Variants in LITAFD observed in about 807,000 individuals in gnomAD.
The protein encoded by LITAFD is LITAF domain containing, also known as lITAF domain-containing protein.
intron 3 of LITAFD, 189 bp from the exon 4 acceptor site, chr16:8,884,998 G>C (rs1199482599): frequency 2.5e-6 from 1 of 398,330 alleles, no homozygotes; most frequent in Non-Finnish European, 4.4e-6. Context: ...ACTGAGGCAG[G>C]GGAGGCAGAG....
intron 1 of LITAFD, among the ~76,000 whole-genome samples, chr16:8,882,945 C>T (rs992218270): frequency 1.3e-5 from 2 of 152,178 alleles, no homozygotes; most frequent in Non-Finnish European, 2.9e-5. Context: ...AAGTGATTCT[C>T]CTGCCTCGGC....
intron 2 of LITAFD, among the ~76,000 whole-genome samples, chr16:8,883,695 A>G (rs949663780): frequency 6.6e-6 from 1 of 152,214 alleles, no homozygotes; most frequent in African/African-American, 2.4e-5. Context: ...AGGAATTCTC[A>G]GGCAGTCTCC....
chr16:8,884,903 G>A (rs2061558374), intron 3 of LITAFD, among the ~76,000 whole-genome samples: 1 of 152,166 alleles, frequency 6.6e-6, no homozygotes, highest in South Asian at 2.1e-4. Context: ...TGACCAATGT[G>A]CTGAAACCCT....
exon 4 of LITAFD, chr16:8,885,257 G>C (rs757160441): frequency 1.0e-5 from 4 of 399,068 alleles, no homozygotes; most frequent in Non-Finnish European, 1.3e-5. Context: ...CTCGTGTCCC[G>C]TGTGTCAGCG....
At chr16:8,885,349 C>A, downstream of LITAFD, 1 of 398,932 alleles carries the variant, frequency 2.5e-6, no homozygotes, top group South Asian at 1.3e-4. Context: ...GTGTCTATGT[C>A]CTTACCTTCT....
chr16:8,884,345 T>C (rs2061554994), exon 3 of LITAFD: 1 of 399,068 alleles, frequency 2.5e-6, no homozygotes, highest in Non-Finnish European at 4.4e-6. Flanking sequence ...ATGTCCGTGG[T>C]GGGGACGTCC....
At chr16:8,884,654 G>A (rs1373520172) in intron 3 of LITAFD, among the ~76,000 whole-genome samples, 189 bp downstream of exon 3, 2 of 152,166 alleles carry the variant, frequency 1.3e-5, no homozygotes, top group African/African-American at 4.8e-5. Flanking sequence ...CCTCCCATGA[G>A]AACAGCAGGG....
At chr16:8,884,077 A>G (rs1288817341) in intron 2 of LITAFD, among the ~76,000 whole-genome samples, 1 of 152,148 alleles carries the variant, frequency 6.6e-6, no homozygotes, top group Non-Finnish European at 1.5e-5. Flanking sequence ...AAATAAAAAG[A>G]AAAAAGAAAA....
chr16:8,882,952 C>T (rs1378080066), intron 1 of LITAFD, among the ~76,000 whole-genome samples: 2 of 152,162 alleles, frequency 1.3e-5, no homozygotes, highest in African/African-American at 2.4e-5. Flanking sequence ...TCTCCTGCCT[C>T]GGCATCCCGA....
chr16:8,885,109 C>CT (rs2061559863), intron 3 of LITAFD, 78 bp from the exon 4 acceptor site: 1 of 399,148 alleles, frequency 2.5e-6, no homozygotes, highest in Non-Finnish European at 4.4e-6. Context: ...CTCCCAGACT[C>CT]TGCCTGGGTC....
At chr16:8,885,339 G>A (rs758050900) in exon 4 of LITAFD, 48 of 398,878 alleles carry the variant, frequency 1.2e-4, no homozygotes, top group Non-Finnish European at 1.9e-4. Context: ...GGGCACACCC[G>A]TGTCTATGTC....
intron 3 of LITAFD, 55 bp downstream of exon 3, chr16:8,884,520 C>G (rs527702931): frequency 1.7e-4 from 41 of 237,442 alleles, no homozygotes; most frequent in Middle Eastern, 1.3e-3. Context: ...AGGGGTGGGT[C>G]CGGGTGGGTC....
downstream of LITAFD, chr16:8,885,341 G>A (rs538401200): frequency 1.5e-5 from 6 of 399,074 alleles, no homozygotes; most frequent in Admixed American, 1.8e-4. Context: ...GCACACCCGT[G>A]TCTATGTCCT....
At chr16:8,883,504 C>G (rs1001018315) in intron 2 of LITAFD, among the ~76,000 whole-genome samples, 2 of 152,148 alleles carry the variant, frequency 1.3e-5, no homozygotes, top group African/African-American at 4.8e-5. Flanking sequence ...ACCGAAGCAT[C>G]TCTCTCCAGA....
At chr16:8,882,745 G>A (rs2061547148) in intron 1 of LITAFD, 1 of 152,256 alleles carries the variant, frequency 6.6e-6, no homozygotes, top group Non-Finnish European at 1.5e-5. Flanking sequence ...CCCTTAAAGT[G>A]TTGCAAGGAA....
At chr16:8,883,645 A>G (rs913986743) in intron 2 of LITAFD, among the ~76,000 whole-genome samples, 6 of 152,196 alleles carry the variant, frequency 3.9e-5, no homozygotes, top group African/African-American at 9.7e-5. Flanking sequence ...CGAGCCCCCC[A>G]GGTGGGGCCT....
chr16:8,885,029 C>T (rs991118076), intron 3 of LITAFD, 158 bp from the exon 4 acceptor site: 33 of 398,774 alleles, frequency 8.3e-5, no homozygotes, highest in Admixed American at 1.8e-4. Context: ...GCCAAGATCA[C>T]GCCACTGCAC....
At chr16:8,883,516 G>C (rs1035156005) in intron 2 of LITAFD, among the ~76,000 whole-genome samples, 2 of 151,950 alleles carry the variant, frequency 1.3e-5, no homozygotes, top group Non-Finnish European at 2.9e-5. Flanking sequence ...CTCTCCAGAG[G>C]GAAATCACTG....
intron 1 of LITAFD, chr16:8,882,821 A>G (rs2141143006): frequency 6.6e-6 from 1 of 152,410 alleles, no homozygotes; most frequent in East Asian, 1.9e-4. Flanking sequence ...GCCAGAGACA[A>G]CCGAGGCTGA....
Sources: gnomAD v4.1 joint callset for allele counts (sites outside exome capture counted in the v4.1 genomes callset) on GRCh38, gnomAD v4.1.1 for gene constraint, MANE v1.5 for transcripts, NCBI Gene and HGNC (gene_info 2026-07-23, HGNC 2026-07-21) for gene names.